CYP11A1: variants seen among roughly 807,000 people sequenced by gnomAD.
The protein encoded by CYP11A1 is cholesterol side-chain cleavage enzyme, mitochondrial.
Under a neutral mutation model 51.9 loss-of-function variants are expected in CYP11A1, and 25 were observed. That is an observed-to-expected ratio of 0.48 (90% CI 0.35 to 0.67). The LOEUF is 0.67. Ranked by LOEUF, CYP11A1 falls within the 30% of genes least tolerant of loss-of-function variation. The pLI, the probability that CYP11A1 is intolerant of heterozygous loss-of-function variation, is 0.00. For missense variants in CYP11A1, 578 were observed against 680.9 expected (o/e 0.85, Z 1.68); for synonymous variants, 245 against 262.1 (o/e 0.93, Z 0.63).
chr15:74,365,748 G>C, intron 1 of CYP11A1: 1 of 985,524 alleles, frequency 1.0e-6, no homozygotes, highest in Non-Finnish European at 1.2e-6. Flanking sequence ...CGGTGGGCTC[G>C]GGTGAGCTCG....
At position 74,337,820 on chromosome 15, in the gene CYP11A1, C is replaced by G; in HGVS notation, c.*152G>C. The G allele has an allele frequency of 1.0e-6, 1 of 953,800 alleles. No homozygotes were observed. 59.1% of individuals were successfully genotyped at this position (953,800 alleles called of 1,614,324 possible). A position where few individuals can be genotyped will look rare whatever the true frequency, so the allele number is the denominator to read the frequency against. ...GGTGAAGAGGAGTGGCCCAGCTGAG[C>G]TGAGGAAGGTGACCACTGAGAACCC... On this transcript the variant is annotated 3_prime_UTR_variant, in exon 9 of 9. Coordinates refer to ENST00000268053, the MANE Select transcript of CYP11A1 (RefSeq NM_000781.3).
At position 74,348,064 on chromosome 15, in the gene CYP11A1, GT is replaced by G. The variant is rs772311949; in HGVS notation, c.270-10del. The G allele has an allele frequency of 8.7e-6, 14 of 1,613,824 alleles. No homozygotes were observed. The East Asian group carries it at 3.1e-4, about 36-fold the overall frequency. The stretch of plus-strand genomic sequence containing the variant: ...CGTTGCCGAGCTTCTCCCTGGAGGG[GT>G]GGGGGAGAGGGGCTGATGGAAGGAT... On this transcript the variant is annotated splice_polypyrimidine_tract_variant and intron_variant, in intron 1 of 8. Coordinates refer to ENST00000268053, the MANE Select transcript of CYP11A1 (RefSeq NM_000781.3).
At chr15:74,341,906 A>G (rs1017292356) in intron 5 of CYP11A1, among the ~76,000 whole-genome samples, 7 of 152,304 alleles carry the variant, frequency 4.6e-5, no homozygotes, top group African/African-American at 1.7e-4. Context: ...CAAGCCAAGG[A>G]AAGAGGCCTT....
intron 1 of CYP11A1, among the ~76,000 whole-genome samples, chr15:74,355,867 C>A (rs1192181728): frequency 6.6e-6 from 1 of 152,200 alleles, no homozygotes; most frequent in Non-Finnish European, 1.5e-5. Flanking sequence ...TGGCAGCAAC[C>A]CTGAGACGCT....
chr15:74,365,535 C>T (rs1178779474), intron 1 of CYP11A1: 1 of 330,504 alleles, frequency 3.0e-6, no homozygotes, highest in Non-Finnish European at 4.3e-6. Context: ...TGTAGGGAGG[C>T]ATTTAGTAGG....
Position 74,343,105 on chromosome 15 carries a change from A to T in CYP11A1, c.862T>A (p.Leu288Met). ...DIYTQNFYWE[L>M]RQKGSVHHDY... ...TGGTGAACACTTCCTTTCTGTCTCA[A>T]TTCCCAGTAGAAGTTCTGGGTGTAT... is the stretch of plus-strand genomic sequence containing the variant. Residue 288 changes from leucine (L) to methionine (M), a missense_variant, in exon 5 of 9, where the codon TTG becomes ATG. Physicochemically the swap from Leu to Met is conservative, Grantham distance 15. Transcript: ENST00000268053. 1 of 1,613,960 alleles carries T rather than the reference A, an allele frequency of 6.2e-7. No homozygotes were observed. Among genetic ancestry groups the T allele is most frequent in the Non-Finnish European group, 8.5e-7 (1 of 1,180,032 alleles).
chr15:74,358,771 T>C (rs959323204), intron 1 of CYP11A1, among the ~76,000 whole-genome samples: 3 of 152,260 alleles, frequency 2.0e-5, no homozygotes, highest in African/African-American at 7.2e-5. Context: ...CCTACCTCTA[T>C]ACAGTCTGAT....
intron 5 of CYP11A1, among the ~76,000 whole-genome samples, chr15:74,342,478 C>T (rs1035894746): frequency 1.6e-4 from 25 of 152,112 alleles, no homozygotes; most frequent in African/African-American, 5.6e-4. Flanking sequence ...TTGGGGGCAC[C>T]GTAGGGTACT....
chr15:74,358,474 T>C (rs917585671), intron 1 of CYP11A1, among the ~76,000 whole-genome samples: 3 of 152,184 alleles, frequency 2.0e-5, no homozygotes, highest in African/African-American at 7.2e-5. Flanking sequence ...CTCATTTCCT[T>C]TCCATCATGG....
At chr15:74,348,078 C>T in intron 1 of CYP11A1, 23 bp from the exon 2 acceptor site, 1 of 1,613,038 alleles carries the variant, frequency 6.2e-7, no homozygotes, top group South Asian at 1.1e-5. Context: ...GGGAGAGGGG[C>T]TGATGGAAGG....
At chr15:74,348,221 T>TA (rs2060641009) in intron 1 of CYP11A1, 166 bp from the exon 2 acceptor site, 1 of 685,298 alleles carries the variant, frequency 1.5e-6, no homozygotes, top group African/African-American at 1.8e-5. Flanking sequence ...TGGAGACAAA[T>TA]ACAGTACCTG....
At position 74,367,422 on chromosome 15, in the gene CYP11A1, C is replaced by A. The variant is rs748608936; in HGVS notation, c.164G>T (p.Gly55Val). Residue 55 changes from glycine (G) to valine (V), a missense_variant, in exon 1 of 9, where the codon GGT (glycine) becomes GTT (valine). Physicochemically the swap from Gly to Val is moderately radical, Grantham distance 109. Coordinates refer to ENST00000268053, the MANE Select transcript of CYP11A1 (RefSeq NM_000781.3). ...PRPFNEIPSP[G>V]DNGWLNLYHF... ...GTACAGGTTTAGCCAGCCATTGTCA[C>A]CAGGAGAGGGGATCTCATTGAAGGG... The A allele has an allele frequency of 1.9e-6, 3 of 1,614,210 alleles. No individual in the cohort carries two copies.
In CYP11A1 at chr15:74,367,178, CAAAA is replaced by C. The variant is rs11350546; in HGVS notation, c.269+135_269+138del. The C allele has an allele frequency of 2.4e-3, 1,683 of 688,924 alleles. 1 individual carries two copies. Among genetic ancestry groups the C allele is most frequent in the Middle Eastern group, 3.6e-3 (10 of 2,796 alleles). 42.7% of individuals were successfully genotyped at this position (688,924 alleles called of 1,614,324 possible). On this transcript the variant is annotated intron_variant, in intron 1 of 8. Coordinates refer to ENST00000268053, the MANE Select transcript of CYP11A1 (RefSeq NM_000781.3). ...CTGATATATTTCTGTATTGTATTAC[CAAAA>C]AAAAAAAAAAAAAAGAAGTTAGACA...
At chr15:74,357,192 A>G (rs2060684322) in intron 1 of CYP11A1, among the ~76,000 whole-genome samples, 2 of 151,984 alleles carry the variant, frequency 1.3e-5, no homozygotes, top group African/African-American at 4.8e-5. Flanking sequence ...TGCTTTCTCT[A>G]CTATTCCTTT....
intron 1 of CYP11A1, among the ~76,000 whole-genome samples, chr15:74,358,312 C>T (rs1236692110): frequency 6.6e-6 from 1 of 152,212 alleles, no homozygotes; most frequent in Admixed American, 6.5e-5. Context: ...CCTACTAAAA[C>T]TTCCACCTAT....
chr15:74,339,010 CT>C (rs2141230665), intron 7 of CYP11A1, among the ~76,000 whole-genome samples: 1 of 152,332 alleles, frequency 6.6e-6, no homozygotes, highest in East Asian at 1.9e-4. Context: ...TTGTCCCACC[CT>C]TTCCTCAGAC....
chr15:74,354,772 A>G (rs2060671275), intron 1 of CYP11A1: 2 of 152,132 alleles, frequency 1.3e-5, no homozygotes, highest in African/African-American at 4.8e-5. Context: ...CCATCTTTCA[A>G]TCTCTCCCTT....
intron 1 of CYP11A1, among the ~76,000 whole-genome samples, chr15:74,360,393 G>A (rs141628504): frequency 6.6e-6 from 1 of 152,006 alleles, no homozygotes; most frequent in Non-Finnish European, 1.5e-5. Context: ...GCAATTCTCT[G>A]CCCTAGCCTC....
intron 1 of CYP11A1, 133 bp downstream of exon 1, chr15:74,367,184 A>C (rs1418558375): frequency 1.1e-5 from 9 of 806,786 alleles, no homozygotes; most frequent in Non-Finnish European, 1.6e-5. Flanking sequence ...TTACCAAAAA[A>C]AAAAAAAAAA....
Sources: allele counts gnomAD v4.1 joint callset (sites outside exome capture counted in the v4.1 genomes callset), GRCh38; gene constraint gnomAD v4.1.1; transcripts MANE v1.5; gene names NCBI Gene and HGNC (gene_info 2026-07-23, HGNC 2026-07-21).